Variants in ZSWIM5 observed in about 807,000 individuals in gnomAD.
ZSWIM5 encodes zinc finger SWIM-type containing 5.
ZSWIM5 carries 55 observed loss-of-function variants against 119.6 expected under a neutral mutation model. The observed-to-expected ratio is 0.46, with a 90% CI of 0.37 to 0.58. ZSWIM5 has a LOEUF of 0.58. Ranked by LOEUF, ZSWIM5 falls within the 20% of genes least tolerant of loss-of-function variation. The probability of loss-of-function intolerance (pLI) is 0.00; values close to 1 mark genes in which losing one functional copy is unlikely to be tolerated. For missense variants in ZSWIM5, 1,193 were observed against 1,512.8 expected, an observed-to-expected ratio of 0.79 and a Z score of 3.51; for synonymous variants, 537 against 606.9, an observed-to-expected ratio of 0.88 and a Z score of 1.69.
At chr1:45,126,442 A>G (rs1450582518) in intron 1 of ZSWIM5, among the ~76,000 whole-genome samples, 1 of 152,208 alleles carries the variant, frequency 6.6e-6, no homozygotes, top group African/African-American at 2.4e-5. Context: ...GAAAAGAAAA[A>G]AAACCAATTC....
chr1:45,177,168 A>G (rs995590123), intron 1 of ZSWIM5, among the ~76,000 whole-genome samples: 1 of 152,154 alleles, frequency 6.6e-6, no homozygotes, highest in African/African-American at 2.4e-5. Context: ...TATGTTTCTA[A>G]AACGTATGCA....
At chr1:45,065,060 AC>A (rs1645175269) in intron 2 of ZSWIM5, among the ~76,000 whole-genome samples, 1 of 152,202 alleles carries the variant, frequency 6.6e-6, no homozygotes, top group Non-Finnish European at 1.5e-5. Flanking sequence ...TAGAGTTCTT[AC>A]CAGTACAGTG....
intron 5 of ZSWIM5, 114 bp from the exon 6 acceptor site, chr1:45,043,509 C>T (rs1483099522): frequency 3.9e-6 from 4 of 1,022,222 alleles, no homozygotes; most frequent in Non-Finnish European, 5.8e-6. Flanking sequence ...AAGAATAACT[C>T]TGGCAGCAGT....
At chr1:45,086,591 C>T (rs1184882205) in intron 2 of ZSWIM5, among the ~76,000 whole-genome samples, 2 of 152,030 alleles carry the variant, frequency 1.3e-5, no homozygotes, top group African/African-American at 2.4e-5. Context: ...AATGAGAACA[C>T]TTGGACACAG....
intron 1 of ZSWIM5, among the ~76,000 whole-genome samples, chr1:45,126,949 C>T (rs566852252): frequency 6.6e-6 from 1 of 152,296 alleles, no homozygotes; most frequent in East Asian, 1.9e-4. Context: ...AGCAATGCTA[C>T]CACCTCGTTC....
rs542730310 is a variant in ZSWIM5, at chr1:45,094,860, C to CA, written c.596-6624dup. The stretch of plus-strand genomic sequence containing the variant: ...TCACTGTACTCCAGAACAAGGCAAG[C>CA]AAAAAAAAAAAAAACAAAAGACAGA... On this transcript the variant is annotated intron_variant, in intron 1 of 13. Transcript: ENST00000359600. Among the ~76,000 whole-genome samples the CA allele has an allele frequency of 6.3e-3, 654 of 103,322 alleles. 1 individual carries two copies. Among genetic ancestry groups the CA allele is most frequent in the East Asian group, 8.9e-3 (31 of 3,494 alleles). 67.8% of individuals were successfully genotyped at this position (103,322 alleles called of 152,430 possible). A position where few individuals can be genotyped will look rare whatever the true frequency, so the allele number is the denominator to read the frequency against.
At chr1:45,162,703 C>G (rs921676244) in intron 1 of ZSWIM5, among the ~76,000 whole-genome samples, 10 of 151,592 alleles carry the variant, frequency 6.6e-5, no homozygotes, top group Admixed American at 2.6e-4. Flanking sequence ...GTTCCACGCC[C>G]ACGGAGCCTT....
At chr1:45,095,217 T>TGAA (rs1645392936) in intron 1 of ZSWIM5, among the ~76,000 whole-genome samples, 1 of 151,904 alleles carries the variant, frequency 6.6e-6, no homozygotes, top group Non-Finnish European at 1.5e-5. Flanking sequence ...AGCCTCAACC[T>TGAA]CCTGGGCTCA....
rs756050642 is a variant in ZSWIM5 at position 45,018,636 on chromosome 1, G to A, written c.3376C>T (p.Arg1126Cys). The A allele has an allele frequency of 5.0e-6, 8 of 1,614,236 alleles. No homozygotes were observed. Among genetic ancestry groups the A allele is most frequent in the Admixed American group, 1.7e-5 (1 of 60,030 alleles). ...TGGCGAGGGCTGATGTGTGTTAGGC[G>A]TGAGTGTGTAGTGTTGATATAGGCA... The part of the protein sequence containing the change: ...INAYINTTHS[R>C]LTHISPRHYG... Residue 1126 changes from arginine to cysteine, a missense_variant, in exon 14 of 14, where the codon CGC (arginine) becomes TGC (cysteine). Coordinates refer to ENST00000359600, the MANE Select transcript of ZSWIM5 (RefSeq NM_020883.2). This position sits in a 1 kb window ranked among gnomAD's most constrained non-coding sequence, Gnocchi z 6.7.
At chr1:45,081,995 C>G (rs1645296212) in intron 2 of ZSWIM5, among the ~76,000 whole-genome samples, 1 of 152,312 alleles carries the variant, frequency 6.6e-6, no homozygotes, top group Non-Finnish European at 1.5e-5. Flanking sequence ...AAAAATTCTT[C>G]TGCCTTGGGA....
At chr1:45,168,089 G>T (rs757300898) in intron 1 of ZSWIM5, among the ~76,000 whole-genome samples, 12 of 152,042 alleles carry the variant, frequency 7.9e-5, no homozygotes, top group Non-Finnish European at 1.6e-4. Flanking sequence ...GCCCATCAAT[G>T]ATAGACTGGA....
chr1:45,020,091 C>T lies in ZSWIM5; in HGVS notation c.2670G>A (p.Trp890Ter). 6.2e-7 allele frequency: 1 copy of T among 1,614,126 alleles called. No individual in the cohort carries two copies. The highest frequency in any genetic ancestry group is 8.5e-7 in the Non-Finnish European group (1 of 1,180,010). The change falls in exon 13 of 14, where the codon TGG becomes TGA. Residue 890 changes from tryptophan to a stop codon, truncating the protein, a stop_gained. Transcript: ENST00000359600. LOFTEE classifies it high-confidence loss of function. ...LNWRRREMVR[W>*]LVTCATEVGV... The stretch of plus-strand genomic sequence containing the variant: ...CCACTTCTGTAGCACAGGTCACCAA[C>T]CATCGTACCATCTCCCTGCGTCTCC...
chr1:45,096,535 A>AAACACAC (rs1553194017), intron 1 of ZSWIM5, among the ~76,000 whole-genome samples: 1 of 140,436 alleles, frequency 7.1e-6, no homozygotes, highest in African/African-American at 2.7e-5. Flanking sequence ...TGGCCCTATC[A>AAACACAC]ACACACACAC....
chr1:45,043,491 T>C (rs1056584826), intron 5 of ZSWIM5, 96 bp from the exon 6 acceptor site: 26 of 1,226,312 alleles, frequency 2.1e-5, no homozygotes, highest in Non-Finnish European at 2.9e-5. Context: ...TGAATAATAG[T>C]ATTTTAAAAG....
intron 1 of ZSWIM5, among the ~76,000 whole-genome samples, chr1:45,117,564 C>T (rs1005762294): frequency 1.3e-5 from 2 of 152,052 alleles, no homozygotes; most frequent in African/African-American, 4.8e-5. Flanking sequence ...TCCCAGCTAC[C>T]TGGGAGATGA....
chr1:45,104,741 C>A (rs946593017), intron 1 of ZSWIM5, among the ~76,000 whole-genome samples: 2 of 152,164 alleles, frequency 1.3e-5, no homozygotes, highest in Non-Finnish European at 2.9e-5. Context: ...GCCCTTCTTG[C>A]GGCCATCTGC....
Position 45,138,336 on chromosome 1 carries a change from G to C in ZSWIM5, c.596-50099C>G, listed in dbSNP as rs146084651. ...CTGGCCAACATGGCAAAATCCCCAT[G>C]TCTACTAAAAATACAAAAATTAGCC... On this transcript the variant is annotated intron_variant, in intron 1 of 13. Coordinates refer to ENST00000359600, the MANE Select transcript of ZSWIM5 (RefSeq NM_020883.2). 1.0e-2 allele frequency among the ~76,000 whole-genome samples: 1,515 copies of C among 151,706 alleles called. 30 individuals are homozygous for C. The highest frequency in any genetic ancestry group is 0.035 in the African/African-American group (1,453 of 41,366).
At chr1:45,041,507 G>T (rs111773474) in intron 6 of ZSWIM5, among the ~76,000 whole-genome samples, 9,688 of 150,770 alleles carry the variant, frequency 0.064, 1,037 homozygotes, top group African/African-American at 0.22. Context: ...ACTCTTTCCA[G>T]TGTCATGTAT....
At chr1:45,173,704 T>C (rs1424922296) in intron 1 of ZSWIM5, among the ~76,000 whole-genome samples, 1 of 152,162 alleles carries the variant, frequency 6.6e-6, no homozygotes, top group Non-Finnish European at 1.5e-5. Context: ...AAGAATATTA[T>C]ATGGATTACA....
Sources: gnomAD v4.1 joint callset for allele counts (sites outside exome capture counted in the v4.1 genomes callset) on GRCh38, gnomAD v4.1.1 for gene constraint, Gnocchi (gnomAD v3.1) non-coding constraint, MANE v1.5 for transcripts, NCBI Gene and HGNC (gene_info 2026-07-23, HGNC 2026-07-21) for gene names.